KATNAL2: variants seen among roughly 807,000 people sequenced by gnomAD.
KATNAL2 encodes katanin p60 ATPase-containing subunit A-like 2.
Under a neutral mutation model 76.3 loss-of-function variants are expected in KATNAL2, and 52 were observed. That is an observed-to-expected ratio of 0.68 (90% CI 0.55 to 0.86). KATNAL2 has a LOEUF of 0.86. KATNAL2 is among the 40% of genes least tolerant of loss of function. The pLI, the probability that KATNAL2 is intolerant of heterozygous loss-of-function variation, is 0.00. For missense variants in KATNAL2, 660 were observed against 668.9 expected (o/e 0.99, Z 0.15); for synonymous variants, 243 against 244.2 (o/e 1.00, Z 0.05).
intron 3 of KATNAL2, among the ~76,000 whole-genome samples, chr18:46,955,664 G>A (rs1301622360): frequency 3.9e-5 from 6 of 152,050 alleles, no homozygotes; most frequent in Non-Finnish European, 8.8e-5. Context: ...CTACCCTCCT[G>A]CTTCAGCCTC....
chr18:47,034,128 G>T (rs369488894), intron 3 of KATNAL2: 1 of 1,614,184 alleles, frequency 6.2e-7, no homozygotes. Context: ...ATGACAGAGT[G>T]GGCTGCTCGA....
chr18:47,098,659 T>TAAA (rs2063350402), intron 15 of KATNAL2: 1 of 154,316 alleles, frequency 6.5e-6, no homozygotes, highest in East Asian at 1.9e-4. Flanking sequence ...TTGGGAGGAG[T>TAAA]AAAAGTGAGT....
At chr18:47,064,139 G>T (rs552596744) in intron 10 of KATNAL2, among the ~76,000 whole-genome samples, 1 of 152,068 alleles carries the variant, frequency 6.6e-6, no homozygotes, top group East Asian at 1.9e-4. Context: ...TGTGTGTCAG[G>T]TGTGTGCTGT....
At chr18:46,948,888 T>TGTG (rs1569005852) in intron 3 of KATNAL2, among the ~76,000 whole-genome samples, 5 of 145,888 alleles carry the variant, frequency 3.4e-5, no homozygotes, top group Admixed American at 6.9e-5. Flanking sequence ...AGTATCTGCA[T>TGTG]TGTGTGTGTG....
chr18:47,041,535 C>T (rs1219830814), intron 3 of KATNAL2, among the ~76,000 whole-genome samples: 2 of 152,128 alleles, frequency 1.3e-5, no homozygotes, highest in Non-Finnish European at 2.9e-5. Flanking sequence ...CTTGATAGCT[C>T]ATTTCTTTTA....
chr18:47,035,241 C>G, intron 3 of KATNAL2: 1 of 1,612,798 alleles, frequency 6.2e-7, no homozygotes, highest in African/African-American at 1.3e-5. Flanking sequence ...CCACTGCGTG[C>G]AGCGTAGTGG....
chr18:47,076,608 C>T (rs2062236476), intron 14 of KATNAL2: 2 of 152,068 alleles, frequency 1.3e-5, no homozygotes, highest in Admixed American at 1.3e-4. Flanking sequence ...TTTCCATTTC[C>T]CTGTCTGGGA....
chr18:46,930,911 G>A (rs1284887204), intron 1 of KATNAL2, among the ~76,000 whole-genome samples: 1 of 151,954 alleles, frequency 6.6e-6, no homozygotes, highest in East Asian at 1.9e-4. Context: ...GACCAGCCTG[G>A]CCAACATGGT....
At chr18:47,064,185 A>T (rs2061719803) in intron 10 of KATNAL2, among the ~76,000 whole-genome samples, 1 of 151,208 alleles carries the variant, frequency 6.6e-6, no homozygotes, top group Non-Finnish European at 1.5e-5. Flanking sequence ...GTCAGAGCAT[A>T]GTCCTTGCCC....
intron 1 of KATNAL2, among the ~76,000 whole-genome samples, chr18:46,931,744 G>T (rs72917147): frequency 0.058 from 8,711 of 150,578 alleles, 297 homozygotes; most frequent in Non-Finnish European, 0.081. Context: ...AGGGAGAGGG[G>T]GAGGGAGGAA....
At chr18:47,051,318 C>T (rs1299302878) in intron 4 of KATNAL2, among the ~76,000 whole-genome samples, 1 of 151,812 alleles carries the variant, frequency 6.6e-6, no homozygotes, top group Non-Finnish European at 1.5e-5. Context: ...GTAGTCCAAG[C>T]TACTTGAAAG....
chr18:47,093,492 T>TTG lies in KATNAL2; in HGVS notation c.1212-5735_1212-5734dup, dbSNP rs60759719. On this transcript the variant is annotated intron_variant, in intron 15 of 17. Transcript: ENST00000683218. ...AAACCATTTCTTTCTCATTTCGAATTTGTGTGTGTGTGTGTGTATTTATGT... is the reference window on the plus strand; with the variant it reads ...AAACCATTTCTTTCTCATTTCGAATTTGTGTGTGTGTGTGTGTGTATTTATGT... 8.4e-3 allele frequency among the ~76,000 whole-genome samples: 1,267 copies of TTG among 150,268 alleles called. 18 individuals are homozygous for TTG. The highest frequency in any genetic ancestry group is 0.028 in the African/African-American group (1,139 of 40,976).
At chr18:47,086,108 G>A (rs2062761901) in intron 15 of KATNAL2, among the ~76,000 whole-genome samples, 1 of 151,968 alleles carries the variant, frequency 6.6e-6, no homozygotes, top group South Asian at 2.1e-4. Flanking sequence ...AAAAAAAAAT[G>A]CTATTGTGCT....
chr18:47,054,028 C>G (rs751864143), intron 5 of KATNAL2, among the ~76,000 whole-genome samples: 1 of 152,196 alleles, frequency 6.6e-6, no homozygotes, highest in Non-Finnish European at 1.5e-5. Context: ...CTGCCAGATT[C>G]GTGCAATCAT....
chr18:46,939,601 A>G (rs1221456387), intron 1 of KATNAL2, among the ~76,000 whole-genome samples: 1 of 152,182 alleles, frequency 6.6e-6, no homozygotes, highest in Non-Finnish European at 1.5e-5. Flanking sequence ...ACCTATTCAT[A>G]TCTGAGATCT....
chr18:47,032,834 T>C, intron 3 of KATNAL2: 1 of 1,324,274 alleles, frequency 7.6e-7, no homozygotes, highest in Non-Finnish European at 1.0e-6. Context: ...TGGCTGGGTG[T>C]GGGAGGCAAA....
At chr18:47,092,289 A>G (rs12963648) in intron 15 of KATNAL2, among the ~76,000 whole-genome samples, 66,084 of 151,974 alleles carry the variant, frequency 0.43, 14,493 homozygotes, top group Middle Eastern at 0.55. Context: ...ACTTGAGGTC[A>G]GGAGTTTGAG....
chr18:46,939,861 T>C (rs1250829481), intron 1 of KATNAL2, among the ~76,000 whole-genome samples: 4 of 152,214 alleles, frequency 2.6e-5, no homozygotes, highest in Non-Finnish European at 2.9e-5. Flanking sequence ...CTTGGCTTAA[T>C]GACATAGGTT....
chr18:47,098,184 T>C (rs2063330179), intron 15 of KATNAL2: 1 of 352,514 alleles, frequency 2.8e-6, no homozygotes, highest in South Asian at 2.3e-5. Context: ...TTGAAAGCCA[T>C]TGCACTCCAG....
Sources: gnomAD v4.1 joint callset for allele counts (sites outside exome capture counted in the v4.1 genomes callset) on GRCh38, gnomAD v4.1.1 for gene constraint, MANE v1.5 for transcripts, NCBI Gene and HGNC (gene_info 2026-07-23, HGNC 2026-07-21) for gene names.